Variants in GTSF1 observed in about 807,000 individuals in gnomAD.
GTSF1 encodes gametocyte specific factor 1.
In GTSF1, 11 loss-of-function variants were observed where a neutral mutation model predicts 28.9. The observed-to-expected ratio is 0.38, with a 90% CI of 0.24 to 0.63. The LOEUF (loss-of-function observed/expected upper bound fraction) is 0.63, where lower values mean the gene tolerates loss of function less well. Among genes scored for constraint, GTSF1 ranks in the 30% least tolerant of loss-of-function variants. The probability of loss-of-function intolerance (pLI) is 0.56; values close to 1 mark genes in which losing one functional copy is unlikely to be tolerated. For missense variants in GTSF1, 146 were observed against 201.0 expected, an observed-to-expected ratio of 0.73 and a Z score of 1.66; for synonymous variants, 69 against 65.6, an observed-to-expected ratio of 1.05 and a Z score of -0.25.
rs1365735092 is a variant in GTSF1, at chr12:54,459,808, G to A, written c.487+569C>T. Among the ~76,000 whole-genome samples the A allele has an allele frequency of 2.6e-5, 3 of 114,632 alleles. 1 individual carries two copies. Among genetic ancestry groups the A allele is most frequent in the Non-Finnish European group, 5.4e-5 (3 of 55,066 alleles). The allele number at this position is 114,632 out of a possible 152,430, so 75.2% of individuals were successfully genotyped here. ...GTGGCGGGATCTCGGCTCACTGCAA[G>A]CTCCGCCTCCCGGGTTCACGCCATT... On this transcript the variant is annotated intron_variant, in intron 7 of 8. Coordinates refer to ENST00000305879, the MANE Select transcript of GTSF1 (RefSeq NM_144594.3).
In GTSF1 at chr12:54,463,512, TG is replaced by T. The variant is rs1956457066; in HGVS notation, c.118-216del. 6.6e-5 allele frequency among the ~76,000 whole-genome samples: 10 copies of T among 152,200 alleles called. No homozygotes were observed. The South Asian group carries it at 2.1e-3, about 32-fold the overall frequency. ...AAAATCATCAAAACATAAGTCTTTT[TG>T]TTATGATTGTAGAGACTGACAACAC... is the stretch of plus-strand genomic sequence containing the variant. On this transcript the variant is annotated intron_variant, in intron 3 of 8. Transcript: ENST00000305879.
intron 2 of GTSF1, among the ~76,000 whole-genome samples, chr12:54,469,975 A>G (rs970670014): frequency 6.6e-6 from 1 of 152,204 alleles, no homozygotes; most frequent in Admixed American, 6.5e-5. Context: ...GTTCAAGACC[A>G]GCCTGGCCAA....
At chr12:54,466,398 T>G (rs144813929) in intron 2 of GTSF1, among the ~76,000 whole-genome samples, 1 of 152,168 alleles carries the variant, frequency 6.6e-6, no homozygotes, top group Non-Finnish European at 1.5e-5. Context: ...ATGGAATAAA[T>G]TGCCAACCAT....
chr12:54,456,157 C>T lies in GTSF1; in HGVS notation c.*21-4G>A, dbSNP rs1956326488. 1 of 152,252 alleles carries T rather than the reference C, an allele frequency of 6.6e-6. No homozygotes were observed. The highest frequency in any genetic ancestry group is 1.5e-5 in the Non-Finnish European group (1 of 67,984). 9.4% of individuals were successfully genotyped at this position (152,252 alleles called of 1,614,324 possible). On this transcript the variant is annotated splice_region_variant and splice_polypyrimidine_tract_variant and intron_variant, in intron 8 of 8. Transcript: ENST00000305879. ...ACAGTCTTCTAGGGTCTGGCATCTGCAAGTAAATGGAGAAAAAAAAGTTCT... is the reference window on the plus strand; with the variant it reads ...ACAGTCTTCTAGGGTCTGGCATCTGTAAGTAAATGGAGAAAAAAAAGTTCT...
chr12:54,462,064 C>A, intron 6 of GTSF1, 45 bp downstream of exon 6: 1 of 1,440,694 alleles, frequency 6.9e-7, no homozygotes, highest in African/African-American at 1.4e-5. Context: ...TAACAGAACA[C>A]GCTGATTTTG....
intron 8 of GTSF1, among the ~76,000 whole-genome samples, chr12:54,458,073 G>A (rs7972761): frequency 0.11 from 16,017 of 152,182 alleles, 1,013 homozygotes; most frequent in African/African-American, 0.17. Context: ...TTAATTCAAT[G>A]AATATTCACT....
intron 8 of GTSF1, among the ~76,000 whole-genome samples, chr12:54,457,034 G>A (rs770354669): frequency 2.6e-5 from 4 of 152,128 alleles, no homozygotes; most frequent in Non-Finnish European, 5.9e-5. Flanking sequence ...GCAGTGAGCC[G>A]AGATTGCGCC....
chr12:54,459,937 G>A (rs377732915), intron 7 of GTSF1, among the ~76,000 whole-genome samples: 4 of 146,826 alleles, frequency 2.7e-5, no homozygotes, highest in Non-Finnish European at 4.5e-5. Context: ...CGTTTTAGCC[G>A]GGATGGTCTC....
chr12:54,462,092 A>G lies in GTSF1; in HGVS notation c.392+17T>C. The G allele has an allele frequency of 6.3e-7, 1 of 1,599,544 alleles. No homozygotes were observed. Among genetic ancestry groups the G allele is most frequent in the Non-Finnish European group, 8.6e-7 (1 of 1,166,824 alleles). ...TGATTTTGGGAGACAATGCTGGGAT[A>G]AGACTATTTCATTTACCTGTTGTTG... On this transcript the variant is annotated intron_variant, in intron 6 of 8. Transcript: ENST00000305879.
At chr12:54,464,361 CA>C (rs1956475193) in intron 3 of GTSF1, among the ~76,000 whole-genome samples, 1 of 152,176 alleles carries the variant, frequency 6.6e-6, no homozygotes. Flanking sequence ...AACAAAGATA[CA>C]TGATGTTTCC....
intron 2 of GTSF1, among the ~76,000 whole-genome samples, chr12:54,468,417 G>A (rs563485332): frequency 2.6e-5 from 4 of 152,226 alleles, no homozygotes; most frequent in East Asian, 3.9e-4. Context: ...CACCGTGCCC[G>A]GCCAATGTAT....
At chr12:54,470,569 AC>A (rs1956581787) in intron 2 of GTSF1, among the ~76,000 whole-genome samples, 1 of 152,220 alleles carries the variant, frequency 6.6e-6, no homozygotes, top group Non-Finnish European at 1.5e-5. Context: ...AAAAGTAGGT[AC>A]TGTTGACAAG....
At chr12:54,467,666 G>C (rs774655139) in intron 2 of GTSF1, among the ~76,000 whole-genome samples, 17 of 151,552 alleles carry the variant, frequency 1.1e-4, no homozygotes, top group Non-Finnish European at 4.4e-5. Context: ...TTCACTTAAT[G>C]TATCTTGGAG....
chr12:54,463,796 C>T (rs534179554), intron 3 of GTSF1, among the ~76,000 whole-genome samples: 6 of 152,254 alleles, frequency 3.9e-5, no homozygotes, highest in African/African-American at 1.2e-4. Context: ...AAGAGGCAAA[C>T]CAATAATTTT....
chr12:54,466,963 T>C (rs1219029764), intron 2 of GTSF1: 1 of 152,046 alleles, frequency 6.6e-6, no homozygotes, highest in Non-Finnish European at 1.5e-5. Flanking sequence ...CAAAAATCTT[T>C]AACTGTGATT....
chr12:54,468,367 C>T (rs1411940179), intron 2 of GTSF1, among the ~76,000 whole-genome samples: 1 of 151,598 alleles, frequency 6.6e-6, no homozygotes, highest in African/African-American at 2.4e-5. Context: ...GTGATCTGCC[C>T]ACCTCAGCCT....
At chr12:54,469,440 A>G (rs2120797740) in intron 2 of GTSF1, among the ~76,000 whole-genome samples, 1 of 414 alleles carries the variant, frequency 2.4e-3, no homozygotes, top group Middle Eastern at 0.5. Flanking sequence ...TAATCCCAGC[A>G]CTTTTGAGAG....
intron 8 of GTSF1, among the ~76,000 whole-genome samples, chr12:54,458,118 A>G (rs910363414): frequency 1.3e-5 from 2 of 152,222 alleles, no homozygotes; most frequent in African/African-American, 4.8e-5. Flanking sequence ...TTGGGATATA[A>G]TCCCATTCTC....
intron 2 of GTSF1, among the ~76,000 whole-genome samples, chr12:54,469,222 G>T (rs1009654064): frequency 1.3e-5 from 2 of 152,064 alleles, no homozygotes; most frequent in African/African-American, 4.8e-5. Flanking sequence ...GGGACTACAG[G>T]TGAGTGCCAC....
Sources: allele counts gnomAD v4.1 joint callset (sites outside exome capture counted in the v4.1 genomes callset), GRCh38; gene constraint gnomAD v4.1.1; transcripts MANE v1.5; gene names NCBI Gene and HGNC (gene_info 2026-07-23, HGNC 2026-07-21).